PTPN13: variants seen among roughly 807,000 people sequenced by gnomAD.
The protein encoded by PTPN13 is tyrosine-protein phosphatase non-receptor type 13.
In PTPN13, 191 loss-of-function variants were observed where a neutral mutation model predicts 284.0. The ratio of observed to expected loss-of-function variants is 0.67; its 90% CI spans 0.60 to 0.76. PTPN13 has a LOEUF of 0.76. Among genes scored for constraint, PTPN13 ranks in the 30% least tolerant of loss-of-function variants. The pLI is 0.00. For synonymous variants in PTPN13, 986 were observed against 1,022.3 expected, an observed-to-expected ratio of 0.96 and a Z score of 0.68; for missense variants, 2,797 against 2,939.9, an observed-to-expected ratio of 0.95 and a Z score of 1.12.
chr4:86,789,379 G>T (rs1233947840), intron 40 of PTPN13, among the ~76,000 whole-genome samples: 1 of 152,136 alleles, frequency 6.6e-6, no homozygotes, highest in Non-Finnish European at 1.5e-5. Flanking sequence ...TTGACTGGTT[G>T]GATCTTAGGA....
chr4:86,721,017 T>C (rs187759239), intron 9 of PTPN13, among the ~76,000 whole-genome samples: 18 of 152,102 alleles, frequency 1.2e-4, no homozygotes, highest in African/African-American at 4.3e-4. Context: ...TCCCACTGCT[T>C]CTGTGCCTCT....
At chr4:86,688,019 C>T (rs1729625114) in intron 4 of PTPN13, among the ~76,000 whole-genome samples, 1 of 152,094 alleles carries the variant, frequency 6.6e-6, no homozygotes, top group South Asian at 2.1e-4. Context: ...TTGGAAGGAA[C>T]AGACAGCTAA....
chr4:86,777,067 T>C (rs578221233), intron 35 of PTPN13, among the ~76,000 whole-genome samples: 2 of 152,370 alleles, frequency 1.3e-5, no homozygotes, highest in East Asian at 3.9e-4. Context: ...ATAGCAACTT[T>C]TCTTTCACTT....
At chr4:86,607,841 C>G (rs1458066241) in intron 1 of PTPN13, among the ~76,000 whole-genome samples, 1 of 151,958 alleles carries the variant, frequency 6.6e-6, no homozygotes, top group Non-Finnish European at 1.5e-5. Flanking sequence ...TAACTTGTCA[C>G]TTTTGGGCTT....
chr4:86,741,872 A>T, intron 16 of PTPN13, 56 bp downstream of exon 16: 1 of 1,432,468 alleles, frequency 7.0e-7, no homozygotes, highest in Admixed American at 2.1e-5. Flanking sequence ...CCAACTTCCA[A>T]TGTAACATAT....
intron 27 of PTPN13, 107 bp from the exon 28 acceptor site, chr4:86,767,710 G>T: frequency 1.1e-5 from 9 of 856,294 alleles, no homozygotes; most frequent in South Asian, 7.6e-5. Flanking sequence ...ACCAAATTTG[G>T]TAGTTACTTT....
At chr4:86,664,757 CAT>C (rs1463293508) in intron 2 of PTPN13, among the ~76,000 whole-genome samples, 2 of 152,038 alleles carry the variant, frequency 1.3e-5, no homozygotes, top group Non-Finnish European at 2.9e-5. Flanking sequence ...AGAGGAAGAA[CAT>C]AGTATTTCAA....
At chr4:86,778,806 AAC>A (rs1299918151) in intron 35 of PTPN13, among the ~76,000 whole-genome samples, 1 of 152,116 alleles carries the variant, frequency 6.6e-6, no homozygotes, top group African/African-American at 2.4e-5. Context: ...TAACGAGAAA[AAC>A]ACACAAAAAA....
intron 6 of PTPN13, among the ~76,000 whole-genome samples, chr4:86,698,284 T>A (rs1171713114): frequency 1.3e-5 from 2 of 152,188 alleles, no homozygotes; most frequent in African/African-American, 4.8e-5. Flanking sequence ...ATTGGGCCAC[T>A]TATTGTAATA....
Position 86,770,174 on chromosome 4 carries a change from T to C in PTPN13, c.4778T>C (p.Leu1593Pro), listed in dbSNP as rs1739820041. The stretch of plus-strand genomic sequence containing the variant: ...CTCTGCAGACCTCCACCTGGTGTGC[T>C]ACCGGAAATTGATACTGCGCTTTTG... Reference protein sequence around the residue: ...LLLCRPPPGVLPEIDTALLTP... With the variant: ...LLLCRPPPGVPPEIDTALLTP... The change falls in exon 30 of 48, where the codon CTA becomes CCA. Residue 1593 changes from leucine to proline, a missense_variant. Physicochemically the swap from Leu to Pro is moderately conservative, Grantham distance 98. Transcript: ENST00000411767. 3.7e-6 allele frequency: 6 copies of C among 1,613,576 alleles called. No homozygotes were observed. The South Asian group carries it at 5.5e-5, about 15-fold the overall frequency.
rs1225431225 is a variant in PTPN13 at position 86,750,827 on chromosome 4, C to A, written c.3008C>A (p.Pro1003His). ...ACCGTTGCAGAGTTGGTGGGAAAAC[C>A]TTCTCACCAGATGTCAAGATCTGAT... is the stretch of plus-strand genomic sequence containing the variant. ...PQTVAELVGK[P>H]SHQMSRSDAE... Residue 1003 changes from proline (P) to histidine (H), a missense_variant, in exon 18 of 48, where the codon CCT becomes CAT. Pro to His is a moderately conservative substitution (Grantham distance 77, BLOSUM62 -2). Transcript: ENST00000411767. The A allele has an allele frequency of 1.2e-6, 2 of 1,613,540 alleles. No homozygotes were observed.
intron 2 of PTPN13, among the ~76,000 whole-genome samples, chr4:86,667,472 A>G (rs764042446): frequency 2.0e-5 from 3 of 152,154 alleles, no homozygotes; most frequent in Non-Finnish European, 4.4e-5. Flanking sequence ...ATCAACTTCT[A>G]GCATATACTA....
chr4:86,733,789 T>C (rs1455291693), intron 12 of PTPN13, among the ~76,000 whole-genome samples: 1 of 152,166 alleles, frequency 6.6e-6, no homozygotes, highest in African/African-American at 2.4e-5. Flanking sequence ...GAGTAAATAA[T>C]AGTTAACTAA....
intron 2 of PTPN13, among the ~76,000 whole-genome samples, chr4:86,655,143 A>G (rs901386916): frequency 5.9e-5 from 9 of 152,180 alleles, no homozygotes; most frequent in East Asian, 1.9e-4. Flanking sequence ...GTCTCTGCAC[A>G]TGAGATGGGT....
chr4:86,758,151 G>C (rs183282233), intron 20 of PTPN13, 109 bp from the exon 21 acceptor site: 2 of 622,656 alleles, frequency 3.2e-6, no homozygotes, highest in Admixed American at 6.0e-5. Context: ...ATATGTTTAA[G>C]TGACTGAGCA....
At chr4:86,780,541 G>C (rs891877222) in intron 36 of PTPN13, 69 bp downstream of exon 36, 5 of 1,039,936 alleles carry the variant, frequency 4.8e-6, no homozygotes, top group African/African-American at 3.2e-5. Context: ...ATCCATTTTG[G>C]AAAACAGGTT....
intron 14 of PTPN13, 114 bp downstream of exon 14, chr4:86,734,989 G>A: frequency 8.2e-7 from 1 of 1,220,164 alleles, no homozygotes; most frequent in Non-Finnish European, 1.1e-6. Flanking sequence ...GATTTTTGAG[G>A]CTTCTTTGGT....
At chr4:86,725,544 T>C (rs961099313) in intron 10 of PTPN13, among the ~76,000 whole-genome samples, 1 of 149,820 alleles carries the variant, frequency 6.7e-6, no homozygotes, top group African/African-American at 2.4e-5. Context: ...ATTGTGGTTT[T>C]GATTTGCATT....
At chr4:86,656,384 T>C (rs2148828414) in intron 2 of PTPN13, among the ~76,000 whole-genome samples, 1 of 152,334 alleles carries the variant, frequency 6.6e-6, no homozygotes, top group South Asian at 2.1e-4. Context: ...TATCTACCTT[T>C]GGTCTTTGAT....
Sources: allele counts gnomAD v4.1 joint callset (sites outside exome capture counted in the v4.1 genomes callset), GRCh38; gene constraint gnomAD v4.1.1; transcripts MANE v1.5; gene names NCBI Gene and HGNC (gene_info 2026-07-23, HGNC 2026-07-21).